The following PLCXD3 variants were observed in gnomAD, a reference collection of about 807,000 sequenced individuals.
PLCXD3 encodes the protein phosphatidylinositol specific phospholipase C X domain containing 3, also known as PI-PLC X domain-containing protein 3.
Under a neutral mutation model 25.5 loss-of-function variants are expected in PLCXD3, and 19 were observed. The ratio of observed to expected loss-of-function variants is 0.75; its 90% CI spans 0.52 to 1.09. The LOEUF is 1.09. PLCXD3 is among the 50% of genes least tolerant of loss of function. The pLI is 0.00. For missense variants in PLCXD3, 411 were observed against 388.1 expected, an observed-to-expected ratio of 1.06 and a Z score of -0.50; for synonymous variants, 174 against 137.6, an observed-to-expected ratio of 1.26 and a Z score of -1.85.
chr5:41,488,780 GT>G (rs1748580356), intron 1 of PLCXD3, among the ~76,000 whole-genome samples: 1 of 146,790 alleles, frequency 6.8e-6, no homozygotes, highest in South Asian at 2.3e-4. Context: ...GGGGTTGTTT[GT>G]TTTTTTCTTG....
At chr5:41,417,954 A>C (rs1746731471) in intron 1 of PLCXD3, among the ~76,000 whole-genome samples, 1 of 152,240 alleles carries the variant, frequency 6.6e-6, no homozygotes, top group South Asian at 2.1e-4. Context: ...ACTACCTACT[A>C]ACAGTATGGA....
At chr5:41,337,090 G>A (rs183195566) in intron 2 of PLCXD3, among the ~76,000 whole-genome samples, 1 of 152,024 alleles carries the variant, frequency 6.6e-6, no homozygotes, top group African/African-American at 2.4e-5. Context: ...ATGCCACCAG[G>A]GTAGGTTTTC....
At chr5:41,496,756 A>G (rs529351746) in intron 1 of PLCXD3, among the ~76,000 whole-genome samples, 2 of 151,394 alleles carry the variant, frequency 1.3e-5, no homozygotes, top group Admixed American at 1.3e-4. Flanking sequence ...GTAACTATGT[A>G]ACTTAATGGT....
At chr5:41,433,833 A>G (rs1392279558) in intron 1 of PLCXD3, among the ~76,000 whole-genome samples, 1 of 152,234 alleles carries the variant, frequency 6.6e-6, no homozygotes, top group African/African-American at 2.4e-5. Context: ...TTAAACGCAC[A>G]GAAACAAAAA....
At chr5:41,495,101 G>T (rs1265870554) in intron 1 of PLCXD3, among the ~76,000 whole-genome samples, 2 of 152,224 alleles carry the variant, frequency 1.3e-5, no homozygotes, top group Admixed American at 1.3e-4. Context: ...AAAGCCAGAA[G>T]GCAGATTTTT....
chr5:41,399,484 CA>C (rs1309654483), intron 1 of PLCXD3, among the ~76,000 whole-genome samples: 1 of 151,922 alleles, frequency 6.6e-6, no homozygotes, highest in Admixed American at 6.6e-5. Flanking sequence ...ATGGTACTGA[CA>C]TAAAAACAGA....
intron 1 of PLCXD3, among the ~76,000 whole-genome samples, chr5:41,402,503 T>C (rs1746215186): frequency 6.6e-6 from 1 of 151,690 alleles, no homozygotes; most frequent in African/African-American, 2.4e-5. Flanking sequence ...ATTTGGTAAA[T>C]TTTTCATGTG....
At chr5:41,366,082 T>A (rs1015560337) in intron 2 of PLCXD3, among the ~76,000 whole-genome samples, 11 of 152,034 alleles carry the variant, frequency 7.2e-5, no homozygotes, top group African/African-American at 2.4e-4. Flanking sequence ...CCTAATGCTA[T>A]CCCTCCCCAC....
At chr5:41,349,617 A>T (rs549867274) in intron 2 of PLCXD3, among the ~76,000 whole-genome samples, 2 of 152,216 alleles carry the variant, frequency 1.3e-5, no homozygotes, top group Non-Finnish European at 1.5e-5. Flanking sequence ...CTTTCCCCTC[A>T]TGAAATGGTC....
chr5:41,486,780 T>C (rs1205558778), intron 1 of PLCXD3, among the ~76,000 whole-genome samples: 2 of 152,206 alleles, frequency 1.3e-5, no homozygotes, highest in Non-Finnish European at 2.9e-5. Flanking sequence ...TATTATCCTC[T>C]TGAATTCTGA....
chr5:41,469,629 A>G (rs1277574265), intron 1 of PLCXD3, among the ~76,000 whole-genome samples: 1 of 152,068 alleles, frequency 6.6e-6, no homozygotes, highest in Admixed American at 6.5e-5. Flanking sequence ...TAGTTATCCA[A>G]TCTATTGATC....
intron 2 of PLCXD3, among the ~76,000 whole-genome samples, chr5:41,343,907 A>T (rs1343717100): frequency 2.0e-5 from 3 of 152,108 alleles, no homozygotes; most frequent in Non-Finnish European, 4.4e-5. Flanking sequence ...TGTTTGTCTG[A>T]TAAGAAAATT....
intron 2 of PLCXD3, among the ~76,000 whole-genome samples, chr5:41,354,423 C>CT (rs143756080): frequency 4.0e-5 from 6 of 150,104 alleles, no homozygotes; most frequent in Non-Finnish European, 8.8e-5. Context: ...AAGCTTCTCT[C>CT]TTTTTTTTCT....
In PLCXD3 at chr5:41,429,617, C is replaced by T. The variant is rs115407267; in HGVS notation, c.104-47083G>A. On this transcript the variant is annotated intron_variant, in intron 1 of 2. Coordinates refer to ENST00000377801, the MANE Select transcript of PLCXD3 (RefSeq NM_001005473.3). ...ATGTGGATATGTATTAATATGATTTCAAATAAAAAGGCACAGTTGGTTTAT... is the reference window on the plus strand; with the variant it reads ...ATGTGGATATGTATTAATATGATTTTAAATAAAAAGGCACAGTTGGTTTAT... Among the ~76,000 whole-genome samples, 8 of 151,980 alleles carry T rather than the reference C, an allele frequency of 5.3e-5. No homozygotes were observed. In the East Asian group the frequency reaches 1.5e-3, roughly 29 times the overall value.
rs1283485695 is a variant in PLCXD3 at position 41,382,401 on chromosome 5, A to G, written c.237T>C (p.Thr79=). Residue 79 remains threonine, a synonymous_variant, in exon 2 of 3, where the codon ACT becomes ACC. Transcript: ENST00000377801. ...GCTGGCCAGTAAAATTCATTGTCTG[A>G]GTGGCTAACCATTTCCGCATGAGCT... ...AKKLMRKWLA[T]QTMNFTGQLG... 6.2e-7 allele frequency: 1 copy of G among 1,613,564 alleles called. No individual in the cohort carries two copies. The highest frequency in any genetic ancestry group is 8.5e-7 in the Non-Finnish European group (1 of 1,179,710).
At chr5:41,484,464 A>T (rs1264679605) in intron 1 of PLCXD3, among the ~76,000 whole-genome samples, 1 of 152,116 alleles carries the variant, frequency 6.6e-6, no homozygotes, top group East Asian at 1.9e-4. Context: ...CGTTTATTTG[A>T]TCAACATTTA....
chr5:41,314,856 A>G (rs1460399211), intron 2 of PLCXD3, among the ~76,000 whole-genome samples: 1 of 152,154 alleles, frequency 6.6e-6, no homozygotes, highest in East Asian at 1.9e-4. Context: ...TTTGACTTTC[A>G]CTATAAGAGC....
intron 2 of PLCXD3, among the ~76,000 whole-genome samples, chr5:41,333,268 C>T (rs1352977021): frequency 6.6e-6 from 1 of 151,974 alleles, no homozygotes; most frequent in African/African-American, 2.4e-5. Context: ...AACTGAGCCC[C>T]CACAGACCAA....
intron 2 of PLCXD3, among the ~76,000 whole-genome samples, chr5:41,356,665 C>G (rs1447715763): frequency 2.6e-5 from 4 of 152,176 alleles, no homozygotes; most frequent in Non-Finnish European, 5.9e-5. Context: ...TACAGAATAT[C>G]ATATCTGAAC....
Sources: allele counts gnomAD v4.1 joint callset (sites outside exome capture counted in the v4.1 genomes callset), GRCh38; gene constraint gnomAD v4.1.1; transcripts MANE v1.5; gene names NCBI Gene and HGNC (gene_info 2026-07-23, HGNC 2026-07-21).